The following PTPRG variants were observed in gnomAD, a reference collection of about 807,000 sequenced individuals.
PTPRG encodes receptor-type tyrosine-protein phosphatase gamma.
A neutral mutation model predicts 165.3 loss-of-function variants in PTPRG; 102 were observed. The ratio of observed to expected loss-of-function variants is 0.62; its 90% CI spans 0.53 to 0.73. The LOEUF is 0.73. PTPRG is among the 30% of genes least tolerant of loss of function. The pLI is 0.00. For synonymous variants in PTPRG, 675 were observed against 669.5 expected, an observed-to-expected ratio of 1.01 and a Z score of -0.13; for missense variants, 1,866 against 1,861.4, an observed-to-expected ratio of 1.00 and a Z score of -0.05.
At chr3:62,287,560 A>T (rs1702714606) in intron 28 of PTPRG, among the ~76,000 whole-genome samples, 1 of 152,064 alleles carries the variant, frequency 6.6e-6, no homozygotes, top group African/African-American at 2.4e-5. Flanking sequence ...CTGAAATGAA[A>T]CTAGAATGTG....
chr3:61,588,102 C>A (rs1190030264), intron 1 of PTPRG, among the ~76,000 whole-genome samples: 1 of 152,094 alleles, frequency 6.6e-6, no homozygotes, highest in Admixed American at 6.5e-5. Context: ...AGAGTACAGA[C>A]CACTTAATTT....
chr3:61,696,375 G>A (rs1435611892), intron 1 of PTPRG, among the ~76,000 whole-genome samples: 7 of 152,018 alleles, frequency 4.6e-5, no homozygotes, highest in East Asian at 1.9e-4. Flanking sequence ...GGTGGCAGGC[G>A]CCTGTAATCC....
chr3:61,714,741 G>A (rs748534546), intron 1 of PTPRG, among the ~76,000 whole-genome samples: 1 of 152,080 alleles, frequency 6.6e-6, no homozygotes, highest in East Asian at 1.9e-4. Context: ...TTGTTCAGAG[G>A]CGCCACGTGA....
chr3:61,689,276 C>A (rs1248185361), intron 1 of PTPRG, among the ~76,000 whole-genome samples: 1 of 152,236 alleles, frequency 6.6e-6, no homozygotes, highest in Non-Finnish European at 1.5e-5. Context: ...CTATCATCAT[C>A]TGTAATGGTT....
intron 4 of PTPRG, among the ~76,000 whole-genome samples, chr3:62,072,032 A>C (rs915015745): frequency 2.0e-5 from 3 of 152,234 alleles, no homozygotes; most frequent in Non-Finnish European, 4.4e-5. Context: ...CATGTAGGAA[A>C]CCAGACATAT....
At chr3:61,772,858 T>C (rs2034251945) in intron 2 of PTPRG, among the ~76,000 whole-genome samples, 1 of 152,346 alleles carries the variant, frequency 6.6e-6, no homozygotes, top group Middle Eastern at 3.4e-3. Flanking sequence ...GATCAGAGAA[T>C]ATGCTGTAAC....
chr3:61,978,862 C>A (rs537211071), intron 2 of PTPRG, among the ~76,000 whole-genome samples: 11 of 152,192 alleles, frequency 7.2e-5, no homozygotes, highest in Non-Finnish European at 1.3e-4. Context: ...GATTCACAGG[C>A]CATAGTTTGC....
chr3:62,276,918 G>C, intron 24 of PTPRG, 54 bp from the exon 25 acceptor site: 1 of 1,372,640 alleles, frequency 7.3e-7, no homozygotes, highest in Non-Finnish European at 1.0e-6. Context: ...AGAGCTGTTG[G>C]TTCTGTGTGT....
chr3:61,927,726 G>C (rs2039257870), intron 2 of PTPRG, among the ~76,000 whole-genome samples: 1 of 152,174 alleles, frequency 6.6e-6, no homozygotes, highest in South Asian at 2.1e-4. Context: ...CTCACTACAG[G>C]ATGTTGCTGC....
chr3:62,096,744 T>C (rs1416651219), intron 5 of PTPRG, among the ~76,000 whole-genome samples: 3 of 152,208 alleles, frequency 2.0e-5, no homozygotes, highest in East Asian at 3.9e-4. Context: ...TAGTATCATA[T>C]TATTCTCTCC....
At chr3:61,903,888 C>T (rs987775048) in intron 2 of PTPRG, among the ~76,000 whole-genome samples, 3 of 152,142 alleles carry the variant, frequency 2.0e-5, no homozygotes, top group African/African-American at 7.2e-5. Flanking sequence ...TGTAATTAAG[C>T]ACGGATGGCT....
intron 2 of PTPRG, among the ~76,000 whole-genome samples, chr3:61,944,549 A>G (rs924732469): frequency 2.0e-5 from 3 of 152,212 alleles, no homozygotes; most frequent in African/African-American, 7.2e-5. Flanking sequence ...ACTTTATCAC[A>G]GTCTGAAATT....
At chr3:61,907,690 A>G (rs1002140983) in intron 2 of PTPRG, among the ~76,000 whole-genome samples, 1 of 152,192 alleles carries the variant, frequency 6.6e-6, no homozygotes, top group Non-Finnish European at 1.5e-5. Flanking sequence ...ATTGGCCTGG[A>G]AGAATTCTTG....
At chr3:61,835,637 C>A (rs1459006410) in intron 2 of PTPRG, among the ~76,000 whole-genome samples, 1 of 152,050 alleles carries the variant, frequency 6.6e-6, no homozygotes, top group Non-Finnish European at 1.5e-5. Context: ...CAGCCCGTTC[C>A]TGCTATTTAA....
chr3:61,764,146 C>T (rs190086090), intron 2 of PTPRG, among the ~76,000 whole-genome samples: 98 of 152,236 alleles, frequency 6.4e-4, no homozygotes, highest in Non-Finnish European at 1.3e-3. Context: ...TTGTATAGTG[C>T]CCCAGTTGTA....
chr3:61,625,663 G>C (rs1314717394), intron 1 of PTPRG, among the ~76,000 whole-genome samples: 1 of 152,210 alleles, frequency 6.6e-6, no homozygotes, highest in South Asian at 2.1e-4. Flanking sequence ...TGCTGCTCTC[G>C]ATGAATTTAC....
chr3:62,056,475 T>G (rs1434554388), intron 4 of PTPRG, among the ~76,000 whole-genome samples: 1 of 152,158 alleles, frequency 6.6e-6, no homozygotes, highest in Non-Finnish European at 1.5e-5. Flanking sequence ...CCCAAGACAA[T>G]TCTTCTTCCA....
At chr3:62,161,071 G>T (rs1474339297) in intron 7 of PTPRG, among the ~76,000 whole-genome samples, 1 of 151,900 alleles carries the variant, frequency 6.6e-6, no homozygotes, top group African/African-American at 2.4e-5. Flanking sequence ...CTACTATTTG[G>T]TGCCTCGGTT....
intron 23 of PTPRG, 71 bp from the exon 24 acceptor site, chr3:62,275,802 T>G: frequency 8.7e-7 from 1 of 1,149,202 alleles, no homozygotes; most frequent in Non-Finnish European, 1.2e-6. Flanking sequence ...ATTGGGATTT[T>G]TGCCAAAGCA....
Sources: gnomAD v4.1 joint callset for allele counts (sites outside exome capture counted in the v4.1 genomes callset) on GRCh38, gnomAD v4.1.1 for gene constraint, MANE v1.5 for transcripts, NCBI Gene and HGNC (gene_info 2026-07-23, HGNC 2026-07-21) for gene names.